The following CATSPERE variants were observed in gnomAD, a reference collection of about 807,000 sequenced individuals.
CATSPERE encodes the protein cation channel sperm-associated auxiliary subunit epsilon.
A neutral mutation model predicts 114.1 loss-of-function variants in CATSPERE; 93 were observed. That is an observed-to-expected ratio of 0.81 (90% CI 0.69 to 0.97). The LOEUF (loss-of-function observed/expected upper bound fraction) is 0.97. Among genes scored for constraint, CATSPERE ranks in the 50% least tolerant of loss-of-function variants. CATSPERE has a pLI of 0.00. For missense variants in CATSPERE, 1,058 were observed against 1,131.6 expected (o/e 0.93, Z 0.93); for synonymous variants, 341 against 384.1 (o/e 0.89, Z 1.31).
At chr1:244,577,209 CA>C (rs997055341) in intron 11 of CATSPERE, among the ~76,000 whole-genome samples, 1 of 151,544 alleles carries the variant, frequency 6.6e-6, no homozygotes, top group African/African-American at 2.4e-5. Context: ...CAAAATTTTC[CA>C]AAAAAGTCAA....
chr1:244,584,864 A>G (rs1666804927), intron 13 of CATSPERE, among the ~76,000 whole-genome samples: 1 of 152,112 alleles, frequency 6.6e-6, no homozygotes, highest in Non-Finnish European at 1.5e-5. Flanking sequence ...TTCCCCAGGA[A>G]ATCGCCTGCA....
intron 2 of CATSPERE, among the ~76,000 whole-genome samples, chr1:244,472,409 T>G (rs1668638128): frequency 6.6e-6 from 1 of 152,232 alleles, no homozygotes; most frequent in South Asian, 2.1e-4. Context: ...TATTGATTTT[T>G]TTTTGACAGG....
At chr1:244,480,376 T>G (rs1670069986) in intron 5 of CATSPERE, among the ~76,000 whole-genome samples, 2 of 152,210 alleles carry the variant, frequency 1.3e-5, no homozygotes, top group African/African-American at 4.8e-5. Context: ...AGGCACCGTG[T>G]AGGACATAAG....
rs1354682958 is a variant in CATSPERE at position 244,607,806 on chromosome 1, A to G, written c.2403+2012A>G. On this transcript the variant is annotated intron_variant, in intron 18 of 21. Coordinates refer to ENST00000366534, the MANE Select transcript of CATSPERE (RefSeq NM_001130957.2). This position sits in a 1 kb window ranked among gnomAD's most constrained non-coding sequence, Gnocchi z 4.4. ...TAACCAGGGACATCTGCACTGGGCT[A>G]TATGTGATCAAGAATTAAACTTGTT... Among the ~76,000 whole-genome samples, 3 of 152,244 alleles carry G rather than the reference A, an allele frequency of 2.0e-5. No homozygotes were observed. Among genetic ancestry groups the G allele is most frequent in the Non-Finnish European group, 4.4e-5 (3 of 68,036 alleles).
chr1:244,636,703 G>C (rs1009504457), intron 21 of CATSPERE: 2 of 152,864 alleles, frequency 1.3e-5, no homozygotes, highest in African/African-American at 4.8e-5. Flanking sequence ...AGCAGCTAGA[G>C]TCCAGCAGCC....
rs34255901 is a variant in CATSPERE, at chr1:244,486,620, T to C, written c.327-3827T>C. 4.6e-3 allele frequency among the ~76,000 whole-genome samples: 170 copies of C among 36,860 alleles called. 1 individual carries two copies. The highest frequency in any genetic ancestry group is 8.8e-3 in the African/African-American group (81 of 9,196). 24.2% of individuals were successfully genotyped at this position (36,860 alleles called of 152,430 possible). On this transcript the variant is annotated intron_variant, in intron 5 of 21. Transcript: ENST00000366534. The stretch of plus-strand genomic sequence containing the variant: ...GTCCAGCATGTGGAGTACTCGTGGG[T>C]CAGGTGTAGACCCTCGTAGTCACCT...
At chr1:244,505,357 G>A (rs1419710214) in intron 7 of CATSPERE, among the ~76,000 whole-genome samples, 1 of 152,108 alleles carries the variant, frequency 6.6e-6, no homozygotes, top group East Asian at 1.9e-4. Context: ...CGGGGTACTA[G>A]GTGTGCTTTT....
chr1:244,616,555 G>A (rs1190792399), intron 19 of CATSPERE, among the ~76,000 whole-genome samples: 2 of 152,186 alleles, frequency 1.3e-5, no homozygotes, highest in Non-Finnish European at 2.9e-5. Context: ...TCATCAGATG[G>A]CAGAAGGCAA....
At chr1:244,590,722 A>G (rs1036869319) in intron 14 of CATSPERE, among the ~76,000 whole-genome samples, 2 of 152,204 alleles carry the variant, frequency 1.3e-5, no homozygotes, top group African/African-American at 4.8e-5. Flanking sequence ...GTCCAGCTGC[A>G]TTCACCTAAG....
At chr1:244,543,736 C>A (rs946754463) in intron 8 of CATSPERE, among the ~76,000 whole-genome samples, 5 of 150,724 alleles carry the variant, frequency 3.3e-5, no homozygotes, top group Admixed American at 6.6e-5. Flanking sequence ...AGCCCTCCTC[C>A]CTAAATATGG....
chr1:244,627,939 G>C (rs1673415022), intron 20 of CATSPERE, among the ~76,000 whole-genome samples: 1 of 152,194 alleles, frequency 6.6e-6, no homozygotes, highest in Non-Finnish European at 1.5e-5. Context: ...GGATGTGAAT[G>C]ATCTCTTTGT....
Position 244,577,717 on chromosome 1 carries a change from A to G in CATSPERE, c.1951-4079A>G, listed in dbSNP as rs181757596. Among the ~76,000 whole-genome samples the G allele has an allele frequency of 4.7e-4, 71 of 152,352 alleles. 1 individual carries two copies. The East Asian group carries it at 8.5e-3, about 18-fold the overall frequency. On this transcript the variant is annotated intron_variant, in intron 11 of 21. Coordinates refer to ENST00000366534, the MANE Select transcript of CATSPERE (RefSeq NM_001130957.2). ...TCACCTCCCAAAGGGCTCCACCTCC[A>G]ATACTATCATGTTGGTGATCAGGTT...
chr1:244,457,239 G>A (rs1170372979), upstream of CATSPERE, among the ~76,000 whole-genome samples: 1 of 152,278 alleles, frequency 6.6e-6, no homozygotes, highest in Non-Finnish European at 1.5e-5. Flanking sequence ...CTGGGCCCCT[G>A]TGTCCAAATC....
chr1:244,454,563 T>G (rs1665950015), exon 1 of CATSPERE: 1 of 151,060 alleles, frequency 6.6e-6, no homozygotes, highest in East Asian at 1.9e-4. Flanking sequence ...TCCATTCTTC[T>G]GGAAACTGCA....
intron 9 of CATSPERE, among the ~76,000 whole-genome samples, chr1:244,553,279 T>C (rs568009008): frequency 1.6e-4 from 24 of 152,078 alleles, no homozygotes; most frequent in East Asian, 1.2e-3. Context: ...ATATTGTTGC[T>C]GGCCGGGCGC....
Position 244,504,153 on chromosome 1 carries a change from G to C in CATSPERE, c.429+5074G>C, listed in dbSNP as rs1289188958. ...TGTTCACCATGTTTAACAAATAAAA[G>C]AGCACACAAATATCCAGCTATTTAT... is the stretch of plus-strand genomic sequence containing the variant. On this transcript the variant is annotated intron_variant, in intron 7 of 21. Coordinates refer to ENST00000366534, the MANE Select transcript of CATSPERE (RefSeq NM_001130957.2). The surrounding 1 kb of genome is among the most constrained non-coding windows in gnomAD (Gnocchi z 4.1). 1.3e-5 allele frequency among the ~76,000 whole-genome samples: 2 copies of C among 152,054 alleles called. No homozygotes were observed. Among genetic ancestry groups the C allele is most frequent in the African/African-American group, 2.4e-5 (1 of 41,396 alleles).
chr1:244,621,195 T>TA (rs1558610289), intron 20 of CATSPERE, among the ~76,000 whole-genome samples: 4 of 12,020 alleles, frequency 3.3e-4, no homozygotes, highest in African/African-American at 9.1e-4. Flanking sequence ...ATAGATATAT[T>TA]TATATAGATA....
chr1:244,471,593 A>G (rs1668487769), intron 2 of CATSPERE, among the ~76,000 whole-genome samples: 1 of 152,198 alleles, frequency 6.6e-6, no homozygotes. Context: ...CTGATCCTAT[A>G]GTTTTGCATT....
At chr1:244,612,389 C>T (rs981909218) in intron 19 of CATSPERE, among the ~76,000 whole-genome samples, 9 of 148,438 alleles carry the variant, frequency 6.1e-5, no homozygotes, top group Middle Eastern at 3.4e-3. Flanking sequence ...GAAGGATGAA[C>T]GACACCTACA....
Sources: allele counts gnomAD v4.1 joint callset (sites outside exome capture counted in the v4.1 genomes callset), GRCh38; gene constraint gnomAD v4.1.1; non-coding constraint Gnocchi (gnomAD v3.1); transcripts MANE v1.5; gene names NCBI Gene and HGNC (gene_info 2026-07-23, HGNC 2026-07-21).